LRP5: variants seen among roughly 807,000 people sequenced by gnomAD.
The protein encoded by LRP5 is low-density lipoprotein receptor-related protein 5.
A neutral mutation model predicts 154.1 loss-of-function variants in LRP5; 62 were observed. The observed-to-expected ratio is 0.40, with a 90% CI of 0.33 to 0.50. The LOEUF (loss-of-function observed/expected upper bound fraction) is 0.50, where lower values mean the gene tolerates loss of function less well. LRP5 is among the 20% of genes least tolerant of loss of function. The pLI, the probability that LRP5 is intolerant of heterozygous loss-of-function variation, is 0.55. For missense variants in LRP5, 1,915 were observed against 2,336.7 expected, an observed-to-expected ratio of 0.82 and a Z score of 3.72; for synonymous variants, 966 against 1,011.5, an observed-to-expected ratio of 0.96 and a Z score of 0.85.
Position 68,349,956 on chromosome 11 carries a change from C to T in LRP5, c.488+1713C>T, listed in dbSNP as rs1269734229. ...GTTGGCAGAGGTCTTGACTAGAACA[C>T]AAGAGCCATTTCCCACCACCCCCAG... On this transcript the variant is annotated intron_variant, in intron 2 of 22. Coordinates refer to ENST00000294304, the MANE Select transcript of LRP5 (RefSeq NM_002335.4). Among the ~76,000 whole-genome samples, 4 of 152,174 alleles carry T rather than the reference C, an allele frequency of 2.6e-5. No homozygotes were observed. In the East Asian group the frequency reaches 7.7e-4, roughly 29 times the overall value.
Position 68,413,740 on chromosome 11 carries a change from C to G in LRP5, c.2555C>G (p.Thr852Arg). Residue 852 changes from threonine to arginine, a missense_variant, in exon 12 of 23, where the codon ACG becomes AGG. By Grantham distance (71) the Thr-to-Arg change is moderately conservative. Coordinates refer to ENST00000294304, the MANE Select transcript of LRP5 (RefSeq NM_002335.4). The surrounding 1 kb of genome is among the most constrained non-coding windows in gnomAD (Gnocchi z 5.1). Reference sequence around the variant, plus strand: ...GATCTCCCGCACCCGTTCGGTCTGACGCAGTACAGCGATTATATCTACTGG... The same window carrying G: ...GATCTCCCGCACCCGTTCGGTCTGAGGCAGTACAGCGATTATATCTACTGG... Reference protein sequence around the residue: ...ADDLPHPFGLTQYSDYIYWTD... With the variant: ...ADDLPHPFGLRQYSDYIYWTD... The G allele has an allele frequency of 6.2e-7, 1 of 1,613,688 alleles. No homozygotes were observed. The highest frequency in any genetic ancestry group is 8.5e-7 in the Non-Finnish European group (1 of 1,179,944).
At chr11:68,325,327 CT>C (rs1456122649) in intron 1 of LRP5, among the ~76,000 whole-genome samples, 3 of 152,182 alleles carry the variant, frequency 2.0e-5, no homozygotes, top group Admixed American at 1.3e-4. Flanking sequence ...GCCCTGACCC[CT>C]GTGATCCGTG....
At chr11:68,398,833 C>T (rs552327996) in intron 7 of LRP5, among the ~76,000 whole-genome samples, 1 of 152,156 alleles carries the variant, frequency 6.6e-6, no homozygotes, top group Non-Finnish European at 1.5e-5. Context: ...CTCCCAGGCT[C>T]AAGCGATCCT....
chr11:68,409,556 G>T (rs1199222592), intron 9 of LRP5, among the ~76,000 whole-genome samples: 2 of 151,842 alleles, frequency 1.3e-5, no homozygotes, highest in African/African-American at 4.8e-5. Flanking sequence ...TACAAAACAC[G>T]CTGGTTCTGG....
At chr11:68,409,866 G>T in intron 9 of LRP5, 48 bp from the exon 10 acceptor site, 62 of 1,197,140 alleles carry the variant, frequency 5.2e-5, no homozygotes, top group Non-Finnish European at 7.2e-5. Flanking sequence ...AAAAAAAAAA[G>T]ATGCTGGTTC....
At chr11:68,421,648 G>T (rs907575489) in intron 13 of LRP5, among the ~76,000 whole-genome samples, 22 of 151,586 alleles carry the variant, frequency 1.5e-4, no homozygotes, top group Non-Finnish European at 2.5e-4. Context: ...TTCGTGTCCA[G>T]ATGAAAGTGA....
chr11:68,377,222 A>G (rs2098637857), intron 5 of LRP5, among the ~76,000 whole-genome samples: 1 of 152,072 alleles, frequency 6.6e-6, no homozygotes, highest in Non-Finnish European at 1.5e-5. Context: ...GGGATGGGAG[A>G]GGAAGGGACC....
chr11:68,303,746 G>A, the LRP5 span, among the ~76,000 whole-genome samples: 2 of 152,128 alleles, frequency 1.3e-5, no homozygotes, highest in Non-Finnish European at 2.9e-5. Context: ...GCCCACCTAG[G>A]CCTCCCAAAG....
chr11:68,383,054 T>A (rs1441905699), intron 5 of LRP5, among the ~76,000 whole-genome samples: 2 of 151,988 alleles, frequency 1.3e-5, no homozygotes, highest in East Asian at 3.9e-4. Flanking sequence ...ATTTTTCTAT[T>A]TTTAGTAGAG....
rs17848264 is a variant in LRP5, at chr11:68,406,645, C to T, written c.1923C>T (p.Ile641=). The part of the protein sequence containing the change: ...LELLSDMKTC[I]VPEAFLVFTS... ...TGCTGAGTGACATGAAGACCTGCAT[C>T]GTGCCTGAGGCCTTCTTGGTCTTCA... The change falls in exon 9 of 23, where the codon ATC becomes ATT. Residue 641 remains isoleucine (I), a synonymous_variant. Coordinates refer to ENST00000294304, the MANE Select transcript of LRP5 (RefSeq NM_002335.4). 1.8e-5 allele frequency: 29 copies of T among 1,614,058 alleles called. No homozygotes were observed. In the East Asian group the frequency reaches 3.6e-4, roughly 20 times the overall value.
intron 1 of LRP5, among the ~76,000 whole-genome samples, chr11:68,316,564 G>A (rs1181768661): frequency 1.3e-5 from 2 of 152,164 alleles, no homozygotes; most frequent in Admixed American, 6.6e-5. Context: ...GAGCCATCAC[G>A]CCCGGCCTAT....
chr11:68,312,455 G>GGGCCGCCT (rs1312128107), upstream of LRP5, among the ~76,000 whole-genome samples: 2 of 147,828 alleles, frequency 1.4e-5, no homozygotes, highest in South Asian at 2.1e-4. Context: ...TGCGCCGCTG[G>GGGCCGCCT]GGCCGCCTGG....
At chr11:68,437,324 G>T (rs1482069813) in intron 19 of LRP5, among the ~76,000 whole-genome samples, 1 of 152,226 alleles carries the variant, frequency 6.6e-6, no homozygotes, top group Non-Finnish European at 1.5e-5. Flanking sequence ...GGGCTGCAGT[G>T]GTCCTGTTCC....
At chr11:68,355,798 G>A (rs997891789) in intron 2 of LRP5, among the ~76,000 whole-genome samples, 1 of 152,078 alleles carries the variant, frequency 6.6e-6, no homozygotes, top group Non-Finnish European at 1.5e-5. Context: ...ACCTACCCAG[G>A]AACAGCTGCA....
chr11:68,371,677 C>T (rs2098634085), intron 5 of LRP5, among the ~76,000 whole-genome samples: 1 of 152,216 alleles, frequency 6.6e-6, no homozygotes, highest in African/African-American at 2.4e-5. Flanking sequence ...CGGGACGCCT[C>T]GCCTCGACTG....
chr11:68,372,520 A>C (rs1463595330), intron 5 of LRP5, among the ~76,000 whole-genome samples: 1 of 138,242 alleles, frequency 7.2e-6, no homozygotes, highest in Non-Finnish European at 1.6e-5. Flanking sequence ...ACCTAGTTCC[A>C]CTTGCGGGCT....
At chr11:68,341,141 T>C (rs1310196599) in intron 1 of LRP5, among the ~76,000 whole-genome samples, 2 of 151,482 alleles carry the variant, frequency 1.3e-5, no homozygotes, top group Non-Finnish European at 2.9e-5. Flanking sequence ...TTCTGGTGTT[T>C]CTTGGGACAG....
intron 5 of LRP5, among the ~76,000 whole-genome samples, chr11:68,375,307 C>T (rs117593167): frequency 3.3e-5 from 5 of 152,362 alleles, no homozygotes; most frequent in Non-Finnish European, 7.3e-5. Flanking sequence ...CCTCGGGCTG[C>T]CGCTCACCTG....
At chr11:68,365,828 G>A in intron 5 of LRP5, 126 bp downstream of exon 5, 1 of 1,001,596 alleles carries the variant, frequency 1.0e-6, no homozygotes, top group Non-Finnish European at 1.4e-6. Flanking sequence ...CTTGGCGGGT[G>A]TGGTGATTCA....
Sources: gnomAD v4.1 joint callset for allele counts (sites outside exome capture counted in the v4.1 genomes callset) on GRCh38, gnomAD v4.1.1 for gene constraint, Gnocchi (gnomAD v3.1) non-coding constraint, MANE v1.5 for transcripts, NCBI Gene and HGNC (gene_info 2026-07-23, HGNC 2026-07-21) for gene names.